Variants in AGPAT1 observed in about 807,000 individuals in gnomAD.
AGPAT1 encodes the protein 1-acyl-sn-glycerol-3-phosphate acyltransferase alpha.
Under a neutral mutation model 31.2 loss-of-function variants are expected in AGPAT1, and 6 were observed. The observed-to-expected ratio is 0.19, with a 90% CI of 0.11 to 0.38. The LOEUF (loss-of-function observed/expected upper bound fraction) is 0.38, where lower values mean the gene tolerates loss of function less well. Ranked by LOEUF, AGPAT1 falls within the 10% of genes least tolerant of loss-of-function variation. AGPAT1 has a pLI of 1.00. For missense variants in AGPAT1, 187 were observed against 377.8 expected, an observed-to-expected ratio of 0.49 and a Z score of 4.19; for synonymous variants, 139 against 154.0, an observed-to-expected ratio of 0.90 and a Z score of 0.72.
Position 32,171,227 on chromosome 6 carries a change from C to A in AGPAT1, c.200+70G>T. On this transcript the variant is annotated intron_variant, in intron 2 of 6. Transcript: ENST00000375107. The surrounding 1 kb of genome is among the most constrained non-coding windows in gnomAD (Gnocchi z 6.9). ...AGTCTTTTCTACACACACCATGCCC[C>A]CTTCCCCCAATCCACTACTCACTTT... 2 of 1,610,476 alleles carry A rather than the reference C, an allele frequency of 1.2e-6. No homozygotes were observed. Among genetic ancestry groups the A allele is most frequent in the Non-Finnish European group, 1.7e-6 (2 of 1,178,204 alleles).
chr6:32,169,320 G>C lies in AGPAT1; in HGVS notation c.808C>G (p.Arg270Gly), dbSNP rs773946115. 1.2e-6 allele frequency: 2 copies of C among 1,612,912 alleles called. No individual in the cohort carries two copies. Among genetic ancestry groups the C allele is most frequent in the Admixed American group, 3.3e-5 (2 of 60,018 alleles). ...TTCTTCAGATAGTCACCACCACCCCGGCCATCAGTGGAGATTTCCCGGAAA... is the reference window on the plus strand; with the variant it reads ...TTCTTCAGATAGTCACCACCACCCCCGCCATCAGTGGAGATTTCCCGGAAA... ...TVFREISTDGRGGGDYLKKPG... is the reference protein window; with the variant it reads ...TVFREISTDGGGGGDYLKKPG... The change falls in exon 7 of 7, where the codon CGG becomes GGG. Residue 270 changes from arginine (R) to glycine (G), a missense_variant. Coordinates refer to ENST00000375107, the MANE Select transcript of AGPAT1 (RefSeq NM_006411.4). This position sits in a 1 kb window ranked among gnomAD's most constrained non-coding sequence, Gnocchi z 5.9.
chr6:32,175,954 G>A lies in AGPAT1; in HGVS notation c.-150C>T, dbSNP rs1785503715. ...CGGGATTTGGGGGTGTCCTAGCCCC[G>A]GCCGATGGAGGGGAGGTGGGAGTGG... On this transcript the variant is annotated 5_prime_UTR_variant, in exon 1 of 7. Coordinates refer to ENST00000375107, the MANE Select transcript of AGPAT1 (RefSeq NM_006411.4). The surrounding 1 kb of genome is among the most constrained non-coding windows in gnomAD (Gnocchi z 4.5). The A allele has an allele frequency of 1.0e-6, 1 of 985,418 alleles. No homozygotes were observed. Among genetic ancestry groups the A allele is most frequent in the African/African-American group, 1.7e-5 (1 of 57,206 alleles). 61.0% of individuals were successfully genotyped at this position (985,418 alleles called of 1,614,324 possible). A position where few individuals can be genotyped will look rare whatever the true frequency, so the allele number is the denominator to read the frequency against.
chr6:32,169,070 G>A lies in AGPAT1; in HGVS notation c.*206C>T, dbSNP rs1367288017. Reference sequence around the variant, plus strand: ...GGGGGTCAAGAGTGGAGACTGCACCGAGGCAAGAGTCCATGGATGGGGCCA... The same window carrying A: ...GGGGGTCAAGAGTGGAGACTGCACCAAGGCAAGAGTCCATGGATGGGGCCA... On this transcript the variant is annotated 3_prime_UTR_variant, in exon 7 of 7. Coordinates refer to ENST00000375107, the MANE Select transcript of AGPAT1 (RefSeq NM_006411.4). This position sits in a 1 kb window ranked among gnomAD's most constrained non-coding sequence, Gnocchi z 5.9. 10 of 603,984 alleles carry A rather than the reference G, an allele frequency of 1.7e-5. No homozygotes were observed. The highest frequency in any genetic ancestry group is 8.5e-5 in the South Asian group (4 of 46,980). The allele number at this position is 603,984 out of a possible 1,614,324, so 37.4% of individuals were successfully genotyped here.
rs1457809678 is a variant in AGPAT1 at position 32,172,594 on chromosome 6, A to C, written c.-9-1089T>G. Among the ~76,000 whole-genome samples the C allele has an allele frequency of 6.6e-6, 1 of 152,200 alleles. No individual in the cohort carries two copies. The highest frequency in any genetic ancestry group is 1.9e-4 in the East Asian group (1 of 5,202). On this transcript the variant is annotated intron_variant, in intron 1 of 6. Transcript: ENST00000375107. The surrounding 1 kb of genome is among the most constrained non-coding windows in gnomAD (Gnocchi z 4.3). The stretch of plus-strand genomic sequence containing the variant: ...ACTTACCTGAGGTCATACAGCTCCT[A>C]AACAGCAGTTTCTAGGTTAAATCTA...
rs565724601 is a variant in AGPAT1 at position 32,169,678 on chromosome 6, G to A, written c.680-230C>T. On this transcript the variant is annotated intron_variant, in intron 6 of 6. Coordinates refer to ENST00000375107, the MANE Select transcript of AGPAT1 (RefSeq NM_006411.4). This position sits in a 1 kb window ranked among gnomAD's most constrained non-coding sequence, Gnocchi z 5.9. ...AGCACCCCTCCAGCCCCCCTCCTCT[G>A]GGTTTGGCATTTACTGCTGAATGAG... Among the ~76,000 whole-genome samples the A allele has an allele frequency of 1.2e-3, 181 of 152,220 alleles. 2 individuals are homozygous for A. Among genetic ancestry groups the A allele is most frequent in the Admixed American group, 2.6e-3 (40 of 15,290 alleles).
In AGPAT1 at chr6:32,171,070, C is replaced by G; in HGVS notation, c.201G>C (p.Lys67Asn). 6.2e-7 allele frequency: 1 copy of G among 1,610,296 alleles called. No homozygotes were observed. The highest frequency in any genetic ancestry group is 8.5e-7 in the Non-Finnish European group (1 of 1,177,972). ...TGTGGAGCAGCATTAGACGCAAGATCCTGTGGGGTCATGGCAAGGGGTCCC... is the reference window on the plus strand; with the variant it reads ...TGTGGAGCAGCATTAGACGCAAGATGCTGTGGGGTCATGGCAAGGGGTCCC... The part of the protein sequence containing the change: ...AVRGRNVENM[K>N]ILRLMLLHIK... The change falls in exon 3 of 7, where the codon AAG becomes AAC. Residue 67 changes from lysine to asparagine, a missense_variant and splice_region_variant. By Grantham distance (94) the Lys-to-Asn change is moderately conservative (BLOSUM62 0). Around this residue, in one of 3 missense-constraint regions of AGPAT1, gnomAD observed 113 missense variants for 283.1 expected, o/e 0.40. Transcript: ENST00000375107. The surrounding 1 kb of genome is among the most constrained non-coding windows in gnomAD (Gnocchi z 6.9).
rs925638453 is a variant in AGPAT1 at position 32,174,795 on chromosome 6, A to G, written c.-10+1019T>C. Reference sequence around the variant, plus strand: ...AAAAGTCCAAGGATTTAGAAATGCAATGGAGGGCCAAATTTAATGAGCATA... The same window carrying G: ...AAAAGTCCAAGGATTTAGAAATGCAGTGGAGGGCCAAATTTAATGAGCATA... On this transcript the variant is annotated intron_variant, in intron 1 of 6. Coordinates refer to ENST00000375107, the MANE Select transcript of AGPAT1 (RefSeq NM_006411.4). This position sits in a 1 kb window ranked among gnomAD's most constrained non-coding sequence, Gnocchi z 4.5. 6.6e-6 allele frequency among the ~76,000 whole-genome samples: 1 copy of G among 152,246 alleles called. No individual in the cohort carries two copies. Among genetic ancestry groups the G allele is most frequent in the African/African-American group, 2.4e-5 (1 of 41,468 alleles).
Position 32,172,278 on chromosome 6 carries a change from C to T in AGPAT1, c.-9-773G>A, listed in dbSNP as rs1342810484. ...AGTGAGCCAAGATCACGCCACTGCA[C>T]TCTAGCCTGGGCAATGGAGTGAGAC... is the stretch of plus-strand genomic sequence containing the variant. On this transcript the variant is annotated intron_variant, in intron 1 of 6. Coordinates refer to ENST00000375107, the MANE Select transcript of AGPAT1 (RefSeq NM_006411.4). The surrounding 1 kb of genome is among the most constrained non-coding windows in gnomAD (Gnocchi z 4.3). Among the ~76,000 whole-genome samples, 1 of 151,434 alleles carries T rather than the reference C, an allele frequency of 6.6e-6. No individual in the cohort carries two copies. Among genetic ancestry groups the T allele is most frequent in the Non-Finnish European group, 1.5e-5 (1 of 67,922 alleles).
Position 32,168,221 on chromosome 6 carries a change from CTCTT to C in AGPAT1, c.*1051_*1054del, listed in dbSNP as rs542327477. 4.5e-5 allele frequency: 22 copies of C among 485,640 alleles called. No homozygotes were observed. The highest frequency in any genetic ancestry group is 5.4e-4 in the Middle Eastern group (1 of 1,856). 30.1% of individuals were successfully genotyped at this position (485,640 alleles called of 1,614,324 possible). A position where few individuals can be genotyped will look rare whatever the true frequency, so the allele number is the denominator to read the frequency against. ...ACCACCAACACCCAGATCTCTCTCT[CTCTT>C]TATTTTCAGTTTTTTTGCTGTTATC... is the stretch of plus-strand genomic sequence containing the variant. On this transcript the variant is annotated 3_prime_UTR_variant, in exon 7 of 7. Transcript: ENST00000375107. This position sits in a 1 kb window ranked among gnomAD's most constrained non-coding sequence, Gnocchi z 4.5.
Position 32,169,845 on chromosome 6 carries a change from T to TA in AGPAT1, c.679+120dup, listed in dbSNP as rs1210699683. The TA allele has an allele frequency of 1.1e-6, 1 of 904,102 alleles. No individual in the cohort carries two copies. Among genetic ancestry groups the TA allele is most frequent in the East Asian group, 2.6e-5 (1 of 38,646 alleles). The allele number at this position is 904,102 out of a possible 1,614,324, so 56.0% of individuals were successfully genotyped here. A position where few individuals can be genotyped will look rare whatever the true frequency, so the allele number is the denominator to read the frequency against. On this transcript the variant is annotated intron_variant, in intron 6 of 6. Coordinates refer to ENST00000375107, the MANE Select transcript of AGPAT1 (RefSeq NM_006411.4). This position sits in a 1 kb window ranked among gnomAD's most constrained non-coding sequence, Gnocchi z 5.9. ...AAAGACTTATTGGCTGATGTGGGGT[T>TA]AGACTAGATGACTGTGTAGACATCT...
At position 32,169,508 on chromosome 6, in the gene AGPAT1, C is replaced by G; in HGVS notation, c.680-60G>C. On this transcript the variant is annotated intron_variant, in intron 6 of 6. Transcript: ENST00000375107. This position sits in a 1 kb window ranked among gnomAD's most constrained non-coding sequence, Gnocchi z 5.9. ...CCCAGGTCTTTGCCCACAGGTGGGG[C>G]CCAGCTTCCGAGTGATACTCTTCCT... 1 of 1,581,352 alleles carries G rather than the reference C, an allele frequency of 6.3e-7. No homozygotes were observed. The highest frequency in any genetic ancestry group is 8.6e-7 in the Non-Finnish European group (1 of 1,158,556).
chr6:32,170,618 T>G lies in AGPAT1; in HGVS notation c.335-18A>C, dbSNP rs1048634293. The G allele has an allele frequency of 6.2e-7, 1 of 1,608,626 alleles. No homozygotes were observed. Among genetic ancestry groups the G allele is most frequent in the South Asian group, 1.1e-5 (1 of 91,060 alleles). ...CATCATCCCTTGGGCAGGGTGGGAG[T>G]GGGTGAGGATCGGGGTGGAGGCAGA... is the stretch of plus-strand genomic sequence containing the variant. On this transcript the variant is annotated intron_variant, in intron 3 of 6. Transcript: ENST00000375107. This position sits in a 1 kb window ranked among gnomAD's most constrained non-coding sequence, Gnocchi z 7.7.
Position 32,169,801 on chromosome 6 carries a change from G to T in AGPAT1, c.679+165C>A. The T allele has an allele frequency of 1.5e-6, 1 of 676,284 alleles. No homozygotes were observed. The highest frequency in any genetic ancestry group is 2.6e-6 in the Non-Finnish European group (1 of 389,182). 41.9% of individuals were successfully genotyped at this position (676,284 alleles called of 1,614,324 possible). ...GGACCAAGTGCTACCCATCTGGCAG[G>T]GTATGGTGGGTGCTTAGTAAAGACT... On this transcript the variant is annotated intron_variant, in intron 6 of 6. Coordinates refer to ENST00000375107, the MANE Select transcript of AGPAT1 (RefSeq NM_006411.4). This position sits in a 1 kb window ranked among gnomAD's most constrained non-coding sequence, Gnocchi z 5.9.
upstream of AGPAT1, chr6:32,177,484 C>T (rs1034556300): frequency 1.7e-4 from 29 of 175,358 alleles, no homozygotes; most frequent in African/African-American, 6.1e-4. Flanking sequence ...TCCTGTTCTA[C>T]TCTGTGTACA....
Position 32,170,309 on chromosome 6 carries a change from G to A in AGPAT1, c.511-49C>T. On this transcript the variant is annotated intron_variant, in intron 4 of 6. Transcript: ENST00000375107. This position sits in a 1 kb window ranked among gnomAD's most constrained non-coding sequence, Gnocchi z 7.7. ...AAGACAAATACATATGGAGGAGTCAGAATAGGTGTGATGTTATAATGGGAC... is the reference window on the plus strand; with the variant it reads ...AAGACAAATACATATGGAGGAGTCAAAATAGGTGTGATGTTATAATGGGAC... The A allele has an allele frequency of 6.2e-7, 1 of 1,605,140 alleles. No homozygotes were observed. The highest frequency in any genetic ancestry group is 8.5e-7 in the Non-Finnish European group (1 of 1,173,992).
chr6:32,169,828 A>T lies in AGPAT1; in HGVS notation c.679+138T>A. ...TATGGTGGGTGCTTAGTAAAGACTT[A>T]TTGGCTGATGTGGGGTTAGACTAGA... On this transcript the variant is annotated intron_variant, in intron 6 of 6. Coordinates refer to ENST00000375107, the MANE Select transcript of AGPAT1 (RefSeq NM_006411.4). This position sits in a 1 kb window ranked among gnomAD's most constrained non-coding sequence, Gnocchi z 5.9. 1 of 798,700 alleles carries T rather than the reference A, an allele frequency of 1.3e-6. No homozygotes were observed. Among genetic ancestry groups the T allele is most frequent in the Non-Finnish European group, 2.0e-6 (1 of 487,908 alleles). 49.5% of individuals were successfully genotyped at this position (798,700 alleles called of 1,614,324 possible). A position where few individuals can be genotyped will look rare whatever the true frequency, so the allele number is the denominator to read the frequency against.
chr6:32,170,632 G>GA lies in AGPAT1; in HGVS notation c.335-33_335-32insT, dbSNP rs2127414021. The GA allele has an allele frequency of 6.2e-7, 1 of 1,604,964 alleles. No homozygotes were observed. The highest frequency in any genetic ancestry group is 2.2e-5 in the East Asian group (1 of 44,874). On this transcript the variant is annotated intron_variant, in intron 3 of 6. Coordinates refer to ENST00000375107, the MANE Select transcript of AGPAT1 (RefSeq NM_006411.4). The surrounding 1 kb of genome is among the most constrained non-coding windows in gnomAD (Gnocchi z 7.7). Reference sequence around the variant, plus strand: ...CAGGGTGGGAGTGGGTGAGGATCGGGGTGGAGGCAGAGTGTCACAGAAGGC... The same window carrying GA: ...CAGGGTGGGAGTGGGTGAGGATCGGGAGTGGAGGCAGAGTGTCACAGAAGGC...
Position 32,170,075 on chromosome 6 carries a change from C to A in AGPAT1, c.607-37G>T, listed in dbSNP as rs778319903. ...TTAAAGCAGGTCAGTCCACAGCTCT[C>A]TTCAGAGACTCCTACAATAAGCCCC... On this transcript the variant is annotated intron_variant, in intron 5 of 6. Transcript: ENST00000375107. This position sits in a 1 kb window ranked among gnomAD's most constrained non-coding sequence, Gnocchi z 7.7. The A allele has an allele frequency of 1.2e-6, 2 of 1,610,754 alleles. No homozygotes were observed. The highest frequency in any genetic ancestry group is 1.7e-6 in the Non-Finnish European group (2 of 1,177,112).
chr6:32,170,983 C>T lies in AGPAT1; in HGVS notation c.288G>A (p.Gln96=). The T allele has an allele frequency of 4.3e-6, 7 of 1,612,646 alleles. No individual in the cohort carries two copies. Among genetic ancestry groups the T allele is most frequent in the Non-Finnish European group, 5.9e-6 (7 of 1,179,916 alleles). ...VRGAHHFPPS[Q]PYVVVSNHQS... ...GGTGGTTGGAGACAACAACATAGGG[C>T]TGCGAGGGAGGGAAGTGGTGAGCCC... Residue 96 remains glutamine, a synonymous_variant, in exon 3 of 7, where the codon CAG becomes CAA. Transcript: ENST00000375107. The surrounding 1 kb of genome is among the most constrained non-coding windows in gnomAD (Gnocchi z 7.7).
Sources: gnomAD v4.1 joint callset for allele counts (sites outside exome capture counted in the v4.1 genomes callset) on GRCh38, gnomAD v4.1.1 for gene constraint, gnomAD v4.1.1 regional missense constraint, Gnocchi (gnomAD v3.1) non-coding constraint, MANE v1.5 for transcripts, NCBI Gene and HGNC (gene_info 2026-07-23, HGNC 2026-07-21) for gene names.